The following ARFIP1 variants were observed in gnomAD, a reference collection of about 807,000 sequenced individuals.
ARFIP1 encodes arfaptin-1.
ARFIP1 carries 24 observed loss-of-function variants against 42.5 expected under a neutral mutation model. The observed-to-expected ratio is 0.57, with a 90% CI of 0.41 to 0.80. ARFIP1 has a LOEUF of 0.80. ARFIP1 is among the 30% of genes least tolerant of loss of function. ARFIP1 has a pLI of 0.00. For synonymous variants in ARFIP1, 141 were observed against 153.7 expected, an observed-to-expected ratio of 0.92 and a Z score of 0.61; for missense variants, 354 against 434.0, an observed-to-expected ratio of 0.82 and a Z score of 1.64.
At chr4:152,883,743 T>TAATA (rs1736040177) in intron 7 of ARFIP1, among the ~76,000 whole-genome samples, 2 of 151,660 alleles carry the variant, frequency 1.3e-5, no homozygotes, top group African/African-American at 4.8e-5. Context: ...GGCAGACCTA[T>TAATA]AATAGCCTTT....
In ARFIP1 at chr4:152,870,794, A is replaced by G. The variant is rs781581835; in HGVS notation, c.244A>G (p.Arg82Gly). ...PPLPSVMSPS[R>G]VAASRLAQQG... The stretch of plus-strand genomic sequence containing the variant: ...ACTGCCATCTGTTATGTCTCCTAGC[A>G]GGGTTGCAGCTAGTCGACTGGCTCA... The change falls in exon 4 of 9, where the codon AGG becomes GGG. Residue 82 changes from arginine (R) to glycine (G), a missense_variant. Coordinates refer to ENST00000353617, the MANE Select transcript of ARFIP1 (RefSeq NM_001025595.3). 3.1e-6 allele frequency: 5 copies of G among 1,614,008 alleles called. No individual in the cohort carries two copies. The East Asian group carries it at 1.1e-4, about 36-fold the overall frequency.
intron 8 of ARFIP1, among the ~76,000 whole-genome samples, chr4:152,902,258 T>G (rs567168069): frequency 3.9e-5 from 6 of 152,218 alleles, no homozygotes; most frequent in Non-Finnish European, 8.8e-5. Context: ...TCCTAGTGCT[T>G]TGGTAGTCCA....
chr4:152,781,386 C>A (rs1010876320), intron 1 of ARFIP1, among the ~76,000 whole-genome samples: 4 of 152,032 alleles, frequency 2.6e-5, no homozygotes, highest in African/African-American at 9.7e-5. Context: ...CAGGTAGGCG[C>A]CACTACCGCC....
In ARFIP1 at chr4:152,888,339, G is replaced by A. The variant is rs753602450; in HGVS notation, c.966+32G>A. 3 of 1,457,590 alleles carry A rather than the reference G, an allele frequency of 2.1e-6. No individual in the cohort carries two copies. The South Asian group carries it at 4.0e-5, about 20-fold the overall frequency. 90.3% of individuals were successfully genotyped at this position (1,457,590 alleles called of 1,614,324 possible). A position where few individuals can be genotyped will look rare whatever the true frequency, so the allele number is the denominator to read the frequency against. The stretch of plus-strand genomic sequence containing the variant: ...TCTTTACCTTCTAAGGTCTTTCTGT[G>A]GACTTTGAAGTCACCCTAAAGAGAG... On this transcript the variant is annotated intron_variant, in intron 8 of 8. Coordinates refer to ENST00000353617, the MANE Select transcript of ARFIP1 (RefSeq NM_001025595.3).
chr4:152,846,946 T>G (rs1241242992), intron 2 of ARFIP1, among the ~76,000 whole-genome samples: 5 of 151,456 alleles, frequency 3.3e-5, no homozygotes, highest in Non-Finnish European at 7.4e-5. Flanking sequence ...TTCTTGTTTG[T>G]GTTTCTCATT....
At chr4:152,899,249 G>T (rs1245379200) in intron 8 of ARFIP1, among the ~76,000 whole-genome samples, 1 of 152,166 alleles carries the variant, frequency 6.6e-6, no homozygotes, top group African/African-American at 2.4e-5. Flanking sequence ...ATGGGGTAAA[G>T]ATCTGAGAGA....
intron 8 of ARFIP1, among the ~76,000 whole-genome samples, chr4:152,896,412 CAGCT>C (rs1737330110): frequency 1.3e-5 from 2 of 152,032 alleles, no homozygotes; most frequent in Non-Finnish European, 2.9e-5. Flanking sequence ...AAATACTTTG[CAGCT>C]ATTTAAAAAA....
chr4:152,805,597 C>G (rs138034568), intron 1 of ARFIP1, among the ~76,000 whole-genome samples: 100 of 152,322 alleles, frequency 6.6e-4, no homozygotes, highest in African/African-American at 2.3e-3. Flanking sequence ...GTTTCTGATT[C>G]TAAGTCTGGG....
At chr4:152,795,267 A>AT (rs1482760761) in intron 1 of ARFIP1, among the ~76,000 whole-genome samples, 5 of 151,800 alleles carry the variant, frequency 3.3e-5, no homozygotes, top group Admixed American at 2.0e-4. Context: ...TACCATAGGG[A>AT]TTTTTTTGCT....
At chr4:152,833,471 T>TA (rs1731405746) in intron 2 of ARFIP1, among the ~76,000 whole-genome samples, 1 of 152,192 alleles carries the variant, frequency 6.6e-6, no homozygotes, top group African/African-American at 2.4e-5. Flanking sequence ...CTTAAAAAAT[T>TA]AAAGTAGAAC....
At chr4:152,896,961 G>GTAGAAA (rs1737392563) in intron 8 of ARFIP1, among the ~76,000 whole-genome samples, 1 of 152,134 alleles carries the variant, frequency 6.6e-6, no homozygotes, top group Non-Finnish European at 1.5e-5. Context: ...AAATGACAGA[G>GTAGAAA]TAGAAATAGT....
intron 7 of ARFIP1, among the ~76,000 whole-genome samples, chr4:152,887,852 A>AT (rs1308449062): frequency 2.6e-5 from 4 of 151,454 alleles, no homozygotes; most frequent in African/African-American, 7.3e-5. Context: ...TTTGACATTT[A>AT]TTTTTTTTAA....
intron 8 of ARFIP1, among the ~76,000 whole-genome samples, chr4:152,904,196 ATATT>A (rs1561185750): frequency 1.1e-5 from 1 of 88,050 alleles, no homozygotes; most frequent in Non-Finnish European, 2.2e-5. Context: ...ATATATATAT[ATATT>A]TTTTTTTTTT....
chr4:152,832,798 C>CAT (rs1475288307), intron 2 of ARFIP1, among the ~76,000 whole-genome samples: 2 of 152,132 alleles, frequency 1.3e-5, no homozygotes, highest in African/African-American at 4.8e-5. Context: ...TGTAAATATT[C>CAT]AATTGATCAG....
At chr4:152,891,001 A>G (rs1410684418) in intron 8 of ARFIP1, among the ~76,000 whole-genome samples, 1 of 152,168 alleles carries the variant, frequency 6.6e-6, no homozygotes, top group Non-Finnish European at 1.5e-5. Flanking sequence ...GAAGTTCACA[A>G]TGAAGGTACC....
intron 3 of ARFIP1, among the ~76,000 whole-genome samples, chr4:152,864,773 C>T (rs768069809): frequency 1.4e-4 from 21 of 152,134 alleles, no homozygotes; most frequent in Non-Finnish European, 2.6e-4. Flanking sequence ...TTCAAGTTGC[C>T]GCATGCCAGC....
chr4:152,789,161 G>T (rs950789996), intron 1 of ARFIP1, among the ~76,000 whole-genome samples: 1 of 144,884 alleles, frequency 6.9e-6, no homozygotes, highest in African/African-American at 2.6e-5. Context: ...CGCAATCTCG[G>T]CTCACTGCAA....
At chr4:152,844,613 A>G (rs1038365678) in intron 2 of ARFIP1, among the ~76,000 whole-genome samples, 2 of 152,132 alleles carry the variant, frequency 1.3e-5, no homozygotes, top group African/African-American at 2.4e-5. Flanking sequence ...GCAAGCCTCC[A>G]TAGAAGCAAT....
chr4:152,891,804 G>A (rs1736873719), intron 8 of ARFIP1, among the ~76,000 whole-genome samples: 1 of 152,096 alleles, frequency 6.6e-6, no homozygotes, highest in Admixed American at 6.6e-5. Context: ...CACCACCTGG[G>A]TTCAAGCAGT....
Sources: allele counts gnomAD v4.1 joint callset (sites outside exome capture counted in the v4.1 genomes callset), GRCh38; gene constraint gnomAD v4.1.1; transcripts MANE v1.5; gene names NCBI Gene and HGNC (gene_info 2026-07-23, HGNC 2026-07-21).